BBS2: variants seen among roughly 807,000 people sequenced by gnomAD.
The protein encoded by BBS2 is BBSome complex member BBS2.
In BBS2, 62 loss-of-function variants were observed where a neutral mutation model predicts 83.0. The ratio of observed to expected loss-of-function variants is 0.75; its 90% CI spans 0.61 to 0.92. The LOEUF is 0.92. Ranked by LOEUF, BBS2 falls within the 40% of genes least tolerant of loss-of-function variation. BBS2 has a pLI of 0.00. For missense variants in BBS2, 784 were observed against 901.0 expected, an observed-to-expected ratio of 0.87 and a Z score of 1.66; for synonymous variants, 303 against 326.1, an observed-to-expected ratio of 0.93 and a Z score of 0.76.
intron 15 of BBS2, among the ~76,000 whole-genome samples, chr16:56,490,134 A>ACG: frequency 6.6e-6 from 1 of 151,480 alleles, no homozygotes; most frequent in South Asian, 2.1e-4. Context: ...ACACGCACAC[A>ACG]CACACACACA....
At position 56,507,685 on chromosome 16, in the gene BBS2, G is replaced by A. The variant is rs907136421; in HGVS notation, c.613-1461C>T. 7.2e-5 allele frequency among the ~76,000 whole-genome samples: 11 copies of A among 151,828 alleles called. No individual in the cohort carries two copies. In the South Asian group the frequency reaches 8.4e-4, roughly 12 times the overall value. ...GCACATACACACAAAACAGACTCCC[G>A]GGCCAGGCATGGTGGCTCATGCCTG... is the stretch of plus-strand genomic sequence containing the variant. On this transcript the variant is annotated intron_variant, in intron 5 of 16. Coordinates refer to ENST00000245157, the MANE Select transcript of BBS2 (RefSeq NM_031885.5).
chr16:56,499,649 A>G, intron 12 of BBS2, 129 bp downstream of exon 12: 2 of 1,305,542 alleles, frequency 1.5e-6, no homozygotes, highest in South Asian at 1.2e-5. Context: ...CCCCCAAGTT[A>G]GAGAATTCTT....
chr16:56,510,280 G>T (rs1391879805), intron 4 of BBS2, among the ~76,000 whole-genome samples: 1 of 152,114 alleles, frequency 6.6e-6, no homozygotes, highest in Non-Finnish European at 1.5e-5. Flanking sequence ...GCCAGAATAC[G>T]TTATTTCCCT....
chr16:56,502,235 A>T (rs1330909487), intron 9 of BBS2, 82 bp downstream of exon 9: 59 of 1,585,454 alleles, frequency 3.7e-5, no homozygotes, highest in Non-Finnish European at 5.2e-6. Flanking sequence ...TGACACTCTC[A>T]TTCTTCCATA....
Position 56,485,641 on chromosome 16 carries a change from C to T in BBS2, c.2008G>A (p.Gly670Arg). ...GCTTGATTTACTGCTTTGAGGTTTC[C>T]CAACAGCTCTGTGTGATTGTTACAG... ...IRCNNHTELL[G>R]NLKAVNQAIQ... The change falls in exon 16 of 17, where the codon GGA (glycine) becomes AGA (arginine). Residue 670 changes from glycine (G) to arginine (R), a missense_variant. Coordinates refer to ENST00000245157, the MANE Select transcript of BBS2 (RefSeq NM_031885.5). 1.2e-6 allele frequency: 2 copies of T among 1,614,106 alleles called. No individual in the cohort carries two copies. Among genetic ancestry groups the T allele is most frequent in the Non-Finnish European group, 8.5e-7 (1 of 1,179,998 alleles).
At chr16:56,506,944 T>G (rs938028410) in intron 5 of BBS2, among the ~76,000 whole-genome samples, 1 of 152,244 alleles carries the variant, frequency 6.6e-6, no homozygotes, top group African/African-American at 2.4e-5. Flanking sequence ...AGATCTACTT[T>G]CTAATTCTGT....
At chr16:56,480,366 C>CAAAAAAAAAAAAAAAAAAAAAA (rs1157907841), downstream of BBS2, among the ~76,000 whole-genome samples, 1 of 90,260 alleles carries the variant, frequency 1.1e-5, no homozygotes, top group Non-Finnish European at 2.3e-5. Context: ...AAAAAAAAAA[C>CAAAAAAAAAAAAAAAAAAAAAA]AAAAAAAAAA....
chr16:56,492,026 T>A (rs888145676), intron 15 of BBS2, among the ~76,000 whole-genome samples: 42 of 151,770 alleles, frequency 2.8e-4, no homozygotes, highest in African/African-American at 9.6e-4. Flanking sequence ...AACATTTAAA[T>A]ATTAAAAATT....
At chr16:56,473,811 T>C (rs1485015077) in intron 17 of BBS2, among the ~76,000 whole-genome samples, 1 of 152,064 alleles carries the variant, frequency 6.6e-6, no homozygotes, top group East Asian at 1.9e-4. Context: ...AGTATTAACC[T>C]TCTTTTTTTT....
rs752474817 is a variant in BBS2 at position 56,501,407 on chromosome 16, G to A, written c.1171C>T (p.Leu391=). The A allele has an allele frequency of 1.9e-6, 3 of 1,614,026 alleles. No individual in the cohort carries two copies. The highest frequency in any genetic ancestry group is 2.5e-6 in the Non-Finnish European group (3 of 1,180,006). The change falls in exon 10 of 17, where the codon CTG becomes TTG. Residue 391 remains leucine (L), a synonymous_variant. Coordinates refer to ENST00000245157, the MANE Select transcript of BBS2 (RefSeq NM_031885.5). ...TGAGCAGTTTGGGTCTCATTCCCCA[G>A]GCTGACTGAGAGCGTGGTGTGGAGC... ...TRLHTTLSVS[L]GNETQTAHTE...
At chr16:56,518,439 A>C (rs180996643) in intron 1 of BBS2, among the ~76,000 whole-genome samples, 1 of 152,376 alleles carries the variant, frequency 6.6e-6, no homozygotes, top group Admixed American at 6.5e-5. Flanking sequence ...CCATAAAAAG[A>C]AAATAACAGG....
chr16:56,475,883 G>GA (rs1963447252), intron 17 of BBS2, among the ~76,000 whole-genome samples: 2 of 152,320 alleles, frequency 1.3e-5, no homozygotes, highest in Admixed American at 1.3e-4. Flanking sequence ...GGGCTTGTTG[G>GA]AAAATGGCTT....
downstream of BBS2, chr16:56,484,286 T>C (rs1214667852): frequency 5.8e-6 from 1 of 172,924 alleles, no homozygotes; most frequent in Non-Finnish European, 1.2e-5. Flanking sequence ...ATTACAGGCA[T>C]AAGCCCTGTG....
In BBS2 at chr16:56,518,101, G is replaced by A. The variant is rs144786284; in HGVS notation, c.117+1645C>T. ...CAAAGTGCTGGGATTACAGGCATGA[G>A]TCACTGCACCCAGCCTGTCAGTGAC... On this transcript the variant is annotated intron_variant, in intron 1 of 16. Coordinates refer to ENST00000245157, the MANE Select transcript of BBS2 (RefSeq NM_031885.5). Among the ~76,000 whole-genome samples, 665 of 152,270 alleles carry A rather than the reference G, an allele frequency of 4.4e-3. 5 individuals are homozygous for A. The highest frequency in any genetic ancestry group is 0.015 in the African/African-American group (626 of 41,558).
At chr16:56,515,197 G>A (rs567843288) in intron 1 of BBS2, among the ~76,000 whole-genome samples, 1 of 152,226 alleles carries the variant, frequency 6.6e-6, no homozygotes, top group Non-Finnish European at 1.5e-5. Flanking sequence ...TATCTTGAAG[G>A]CTTTCACAGT....
Position 56,476,353 on chromosome 16 carries a change from A to T in BBS2, c.*1-5658T>A, listed in dbSNP as rs182879553. The T allele has an allele frequency of 1.8e-3, 1,128 of 611,748 alleles. 10 individuals are homozygous for T. In the African/African-American group the frequency reaches 0.02, roughly 11 times the overall value. The allele number at this position is 611,748 out of a possible 1,614,324, so 37.9% of individuals were successfully genotyped here. On this transcript the variant is annotated intron_variant, in intron 17 of 17. Coordinates refer to the BBS2 transcript ENST00000682047. Reference sequence around the variant, plus strand: ...TTGTCTTTTACTAGGACTCATAATGATTGTCCTCAACCGAGACCTTGAGCT... The same window carrying T: ...TTGTCTTTTACTAGGACTCATAATGTTTGTCCTCAACCGAGACCTTGAGCT...
At chr16:56,471,080 G>A (rs753817856) in intron 17 of BBS2, among the ~76,000 whole-genome samples, 27 of 152,096 alleles carry the variant, frequency 1.8e-4, no homozygotes, top group Non-Finnish European at 3.2e-4. Context: ...GGCCAGGTGC[G>A]GTGGCTTACA....
At position 56,519,984 on chromosome 16, in the gene BBS2, G is replaced by A. The variant is rs1964877245; in HGVS notation, c.-122C>T. The A allele has an allele frequency of 1.2e-6, 1 of 853,634 alleles. No individual in the cohort carries two copies. The highest frequency in any genetic ancestry group is 1.9e-6 in the Non-Finnish European group (1 of 516,102). The allele number at this position is 853,634 out of a possible 1,614,324, so 52.9% of individuals were successfully genotyped here. A position where few individuals can be genotyped will look rare whatever the true frequency, so the allele number is the denominator to read the frequency against. ...GCGCGGCCCCAGCCGCCTCAGGCCG[G>A]ACGCGAAACAGCCCGGGACGAACCC... On this transcript the variant is annotated 5_prime_UTR_variant, in exon 1 of 17. Transcript: ENST00000245157.
intron 17 of BBS2, chr16:56,474,695 A>G: frequency 1.5e-6 from 1 of 653,348 alleles, no homozygotes; most frequent in Non-Finnish European, 2.5e-6. Context: ...TTGGTAGAAT[A>G]GCACTTCAAT....
Sources: allele counts gnomAD v4.1 joint callset (sites outside exome capture counted in the v4.1 genomes callset), GRCh38; gene constraint gnomAD v4.1.1; transcripts MANE v1.5; gene names NCBI Gene and HGNC (gene_info 2026-07-23, HGNC 2026-07-21).